The following GSE1 variants were observed in gnomAD, a reference collection of about 807,000 sequenced individuals.
GSE1 encodes Gse1 coiled-coil protein, also known as genetic suppressor element 1.
A neutral mutation model predicts 112.6 loss-of-function variants in GSE1; 32 were observed. The ratio of observed to expected loss-of-function variants is 0.28; its 90% CI spans 0.21 to 0.38. The LOEUF (loss-of-function observed/expected upper bound fraction) is 0.38, where lower values mean the gene tolerates loss of function less well. Ranked by LOEUF, GSE1 falls within the 10% of genes least tolerant of loss-of-function variation. GSE1 has a pLI of 1.00. For missense variants in GSE1, 2,348 were observed against 1,699.2 expected, an observed-to-expected ratio of 1.38 and a Z score of -6.71; for synonymous variants, 1,115 against 735.6, an observed-to-expected ratio of 1.52 and a Z score of -8.35.
chr16:85,182,924 C>T (rs1434335009), intron 1 of GSE1, among the ~76,000 whole-genome samples: 1 of 150,860 alleles, frequency 6.6e-6, no homozygotes, highest in Non-Finnish European at 1.5e-5. Context: ...GCACCTCCTT[C>T]TCCTGCACCA....
At chr16:85,248,983 C>G (rs1421411152) in intron 1 of GSE1, among the ~76,000 whole-genome samples, 3 of 152,190 alleles carry the variant, frequency 2.0e-5, no homozygotes, top group African/African-American at 7.2e-5. Flanking sequence ...GAGTGAGGAA[C>G]TTGGGGCGGG....
intron 2 of GSE1, among the ~76,000 whole-genome samples, chr16:85,383,405 C>T (rs1225059874): frequency 2.0e-5 from 3 of 152,070 alleles, no homozygotes; most frequent in South Asian, 2.1e-4. Flanking sequence ...CACATGCACA[C>T]ACACGCACAC....
At chr16:85,616,577 C>A (rs1337167797) in intron 1 of GSE1, among the ~76,000 whole-genome samples, 3 of 152,198 alleles carry the variant, frequency 2.0e-5, no homozygotes, top group Non-Finnish European at 4.4e-5. Flanking sequence ...CACAGGGCTT[C>A]CCCTCCCTTT....
chr16:85,263,981 C>G (rs920870042), intron 1 of GSE1, among the ~76,000 whole-genome samples: 2 of 152,114 alleles, frequency 1.3e-5, no homozygotes, highest in Non-Finnish European at 2.9e-5. Context: ...AGCGGGCCCT[C>G]CAGCCTGGGG....
intron 2 of GSE1, chr16:85,359,341 G>A: frequency 2.2e-6 from 1 of 455,418 alleles, no homozygotes; most frequent in Non-Finnish European, 4.4e-6. Context: ...CTCTCCCACA[G>A]CTTTGGGCAG....
At chr16:85,644,354 A>C (rs2151838911) in intron 2 of GSE1, among the ~76,000 whole-genome samples, 1 of 151,864 alleles carries the variant, frequency 6.6e-6, no homozygotes. Context: ...AAAAAAAAAA[A>C]AAAAAAGAGT....
chr16:85,212,709 T>A (rs1387330336), intron 1 of GSE1, among the ~76,000 whole-genome samples: 1 of 152,278 alleles, frequency 6.6e-6, no homozygotes, highest in Non-Finnish European at 1.5e-5. Flanking sequence ...AAAACTAATA[T>A]GACGCCCCAC....
chr16:85,386,387 C>T (rs1159788112), intron 2 of GSE1, among the ~76,000 whole-genome samples: 1 of 152,248 alleles, frequency 6.6e-6, no homozygotes, highest in African/African-American at 2.4e-5. Flanking sequence ...CATCTTACCT[C>T]AGTTTCCCCC....
At chr16:85,471,142 G>C (rs1316031156) in intron 2 of GSE1, among the ~76,000 whole-genome samples, 1 of 151,980 alleles carries the variant, frequency 6.6e-6, no homozygotes, top group Non-Finnish European at 1.5e-5. Context: ...TTCGCCCTGG[G>C]TGCTCTCAGC....
At chr16:85,529,078 A>G (rs2052462558) in intron 2 of GSE1, among the ~76,000 whole-genome samples, 1 of 152,196 alleles carries the variant, frequency 6.6e-6, no homozygotes, top group South Asian at 2.1e-4. Flanking sequence ...CTGTAGGGGT[A>G]GCAGCAGGAG....
chr16:85,504,038 C>T (rs1312291922), intron 2 of GSE1, among the ~76,000 whole-genome samples: 5 of 152,206 alleles, frequency 3.3e-5, no homozygotes, highest in African/African-American at 9.7e-5. Context: ...CGCCATCCTC[C>T]GCCCGCCCTC....
intron 1 of GSE1, among the ~76,000 whole-genome samples, chr16:85,625,158 C>G (rs949701947): frequency 6.6e-6 from 1 of 152,298 alleles, no homozygotes. Context: ...CGAGGCCAGG[C>G]TGCCGCCCGC....
chr16:85,597,373 CAAAAAAAAAAA>C (rs1165062872), intron 1 of GSE1, among the ~76,000 whole-genome samples: 7 of 31,850 alleles, frequency 2.2e-4, no homozygotes, highest in African/African-American at 5.4e-4. Flanking sequence ...GACTCTGTCT[CAAAAAAAAAAA>C]AAAAAAAAAA....
At chr16:85,186,050 G>A (rs530955193) in intron 1 of GSE1, among the ~76,000 whole-genome samples, 16 of 152,292 alleles carry the variant, frequency 1.1e-4, no homozygotes, top group Admixed American at 2.6e-4. Flanking sequence ...GCCGGGCAGC[G>A]ACATCTGACC....
At chr16:85,272,221 G>A (rs917304784) in intron 1 of GSE1, among the ~76,000 whole-genome samples, 15 of 152,238 alleles carry the variant, frequency 9.9e-5, no homozygotes, top group African/African-American at 1.7e-4. Context: ...ACTTCCTAGC[G>A]TGGAGCGGAT....
intron 1 of GSE1, among the ~76,000 whole-genome samples, chr16:85,590,548 C>T (rs547717412): frequency 5.2e-5 from 7 of 134,506 alleles, no homozygotes; most frequent in South Asian, 2.5e-4. Flanking sequence ...TGTGACATTG[C>T]GTGTGTGACT....
chr16:85,173,123 G>A (rs367870300), intron 1 of GSE1, among the ~76,000 whole-genome samples: 1 of 152,224 alleles, frequency 6.6e-6, no homozygotes, highest in Non-Finnish European at 1.5e-5. Context: ...AAGAGCTGCA[G>A]TTCCCAAAAG....
intron 1 of GSE1, among the ~76,000 whole-genome samples, chr16:85,316,505 G>T (rs772697129): frequency 1.3e-5 from 2 of 152,166 alleles, no homozygotes; most frequent in South Asian, 2.1e-4. Flanking sequence ...GGTGAAGAGC[G>T]CTCCAGCAGG....
chr16:85,292,322 G>T (rs867707667), intron 1 of GSE1, among the ~76,000 whole-genome samples: 19 of 50,186 alleles, frequency 3.8e-4, no homozygotes, highest in South Asian at 2.4e-3. Context: ...TTGTTTTTTT[G>T]TTTTTGTTTT....
Sources: gnomAD v4.1 joint callset for allele counts (sites outside exome capture counted in the v4.1 genomes callset) on GRCh38, gnomAD v4.1.1 for gene constraint, MANE v1.5 for transcripts, NCBI Gene and HGNC (gene_info 2026-07-23, HGNC 2026-07-21) for gene names.